NCKAP5: variants seen among roughly 807,000 people sequenced by gnomAD.
The protein encoded by NCKAP5 is NCK associated protein 5.
A neutral mutation model predicts 167.0 loss-of-function variants in NCKAP5; 92 were observed. The ratio of observed to expected loss-of-function variants is 0.55; its 90% CI spans 0.47 to 0.66. The LOEUF (loss-of-function observed/expected upper bound fraction) is 0.66, where lower values mean the gene tolerates loss of function less well. Among genes scored for constraint, NCKAP5 ranks in the 30% least tolerant of loss-of-function variants. The pLI is 0.00. For missense variants in NCKAP5, 2,378 were observed against 2,315.0 expected, an observed-to-expected ratio of 1.03 and a Z score of -0.56; for synonymous variants, 891 against 877.4, an observed-to-expected ratio of 1.02 and a Z score of -0.27.
At chr2:132,984,205 C>T (rs771544467) in intron 7 of NCKAP5, among the ~76,000 whole-genome samples, 1 of 152,142 alleles carries the variant, frequency 6.6e-6, no homozygotes, top group Admixed American at 6.5e-5. Context: ...ATGGTATTTG[C>T]ATCACCTGGG....
intron 1 of NCKAP5, among the ~76,000 whole-genome samples, chr2:133,565,626 C>T (rs563449654): frequency 1.3e-5 from 2 of 152,278 alleles, no homozygotes; most frequent in African/African-American, 4.8e-5. Flanking sequence ...CCAGAATCCC[C>T]AAGACAGCTC....
chr2:133,516,003 A>G (rs1490444050), intron 3 of NCKAP5, among the ~76,000 whole-genome samples: 1 of 152,194 alleles, frequency 6.6e-6, no homozygotes, highest in Non-Finnish European at 1.5e-5. Flanking sequence ...TTTGCATAAA[A>G]CTTGAGATCT....
chr2:133,450,814 C>G (rs1691504431), intron 3 of NCKAP5, among the ~76,000 whole-genome samples: 2 of 152,176 alleles, frequency 1.3e-5, no homozygotes, highest in Admixed American at 1.3e-4. Flanking sequence ...ATCTAATTCA[C>G]CACATGGTAT....
chr2:133,170,978 A>G (rs760833584), intron 5 of NCKAP5, among the ~76,000 whole-genome samples: 1 of 152,208 alleles, frequency 6.6e-6, no homozygotes, highest in African/African-American at 2.4e-5. Context: ...GTATACATAC[A>G]TAGCTCCTGA....
At chr2:133,071,788 G>C (rs2080415054) in intron 6 of NCKAP5, among the ~76,000 whole-genome samples, 1 of 152,152 alleles carries the variant, frequency 6.6e-6, no homozygotes, top group Non-Finnish European at 1.5e-5. Flanking sequence ...GAAAGGGAGA[G>C]GAAGGCAGAG....
At chr2:133,545,281 T>A (rs1686558510) in intron 2 of NCKAP5, among the ~76,000 whole-genome samples, 1 of 152,104 alleles carries the variant, frequency 6.6e-6, no homozygotes, top group African/African-American at 2.4e-5. Context: ...CTGCTTGAAG[T>A]CAGTGTGGCA....
rs544662963 is a variant in NCKAP5, at chr2:133,385,638, G to C, written c.70-82528C>G. Among the ~76,000 whole-genome samples, 216 of 152,210 alleles carry C rather than the reference G, an allele frequency of 1.4e-3. 1 individual carries two copies. The highest frequency in any genetic ancestry group is 5.1e-3 in the African/African-American group (211 of 41,506). ...GAAGGAATGGTACCAGCCCCTCCTT[G>C]TACCTCTGGTAGAATTCGGCTGTGA... On this transcript the variant is annotated intron_variant, in intron 3 of 19. Transcript: ENST00000409261.
At chr2:133,010,924 T>C (rs528123694) in intron 6 of NCKAP5, among the ~76,000 whole-genome samples, 6 of 152,206 alleles carry the variant, frequency 3.9e-5, no homozygotes, top group East Asian at 3.9e-4. Context: ...ATCTATATAC[T>C]GAAACTAATT....
At chr2:133,100,845 T>C (rs529089848) in intron 6 of NCKAP5, among the ~76,000 whole-genome samples, 15 of 152,346 alleles carry the variant, frequency 9.8e-5, no homozygotes, top group African/African-American at 2.9e-4. Context: ...CTTTTTAAAA[T>C]ATTTTGTTGA....
chr2:133,387,770 C>G (rs1687097381), intron 3 of NCKAP5, among the ~76,000 whole-genome samples: 1 of 152,104 alleles, frequency 6.6e-6, no homozygotes, highest in Non-Finnish European at 1.5e-5. Context: ...CGAAATTTCT[C>G]TTCTTGCTTC....
intron 3 of NCKAP5, among the ~76,000 whole-genome samples, chr2:133,358,958 T>C (rs1684917499): frequency 6.6e-6 from 1 of 152,236 alleles, no homozygotes; most frequent in Non-Finnish European, 1.5e-5. Context: ...ATTTGCATAT[T>C]TGGAGTACTT....
chr2:132,860,094 G>T (rs559483843), intron 11 of NCKAP5, among the ~76,000 whole-genome samples: 1 of 152,116 alleles, frequency 6.6e-6, no homozygotes, highest in Non-Finnish European at 1.5e-5. Flanking sequence ...ATGTATTTTT[G>T]ATCATAAAGA....
chr2:132,809,266 T>C (rs959390085), intron 11 of NCKAP5, among the ~76,000 whole-genome samples: 1 of 152,190 alleles, frequency 6.6e-6, no homozygotes, highest in African/African-American at 2.4e-5. Flanking sequence ...AAATATTCTG[T>C]ATAAATCTGT....
intron 3 of NCKAP5, among the ~76,000 whole-genome samples, chr2:133,484,138 T>C (rs1461997960): frequency 6.6e-6 from 1 of 152,152 alleles, no homozygotes; most frequent in Non-Finnish European, 1.5e-5. Flanking sequence ...GATCCTTTAT[T>C]GCTGTAGTGA....
chr2:133,553,894 A>G (rs1345558748), intron 2 of NCKAP5, among the ~76,000 whole-genome samples: 2 of 152,220 alleles, frequency 1.3e-5, no homozygotes, highest in African/African-American at 4.8e-5. Context: ...ATTATCTCAC[A>G]GTGTCTATGA....
intron 6 of NCKAP5, among the ~76,000 whole-genome samples, chr2:133,035,186 A>C (rs1281521221): frequency 6.6e-6 from 1 of 152,098 alleles, no homozygotes; most frequent in Admixed American, 6.6e-5. Context: ...GTATATGATA[A>C]AGGCATCAAT....
At chr2:132,797,012 CAGTAGGAAAAGT>C (rs1157774929) in intron 11 of NCKAP5, among the ~76,000 whole-genome samples, 2 of 151,996 alleles carry the variant, frequency 1.3e-5, no homozygotes, top group African/African-American at 4.8e-5. Flanking sequence ...AAAAAATAAG[CAGTAGGAAAAGT>C]ATGAATACTC....
chr2:133,137,403 GTT>G lies in NCKAP5; in HGVS notation c.208-7294_208-7293del, dbSNP rs774699289. ...TAACTAAAAAAAGATGCAGAGCTTGGTTTTGTGTGTGTGTGTGTGTGTGTGTG... is the reference window on the plus strand; with the variant it reads ...TAACTAAAAAAAGATGCAGAGCTTGGTTGTGTGTGTGTGTGTGTGTGTGTG... On this transcript the variant is annotated intron_variant, in intron 5 of 19. Transcript: ENST00000409261. 1.7e-3 allele frequency among the ~76,000 whole-genome samples: 205 copies of G among 117,290 alleles called. 2 individuals are homozygous for G. The highest frequency in any genetic ancestry group is 5.4e-3 in the African/African-American group (151 of 28,222). The allele number at this position is 117,290 out of a possible 152,430, so 76.9% of individuals were successfully genotyped here.
chr2:133,436,362 C>T (rs1378762196), intron 3 of NCKAP5, among the ~76,000 whole-genome samples: 1 of 152,182 alleles, frequency 6.6e-6, no homozygotes, highest in African/African-American at 2.4e-5. Flanking sequence ...TTTTCAGAGT[C>T]AGACTGGGAC....
Sources: allele counts gnomAD v4.1 joint callset (sites outside exome capture counted in the v4.1 genomes callset), GRCh38; gene constraint gnomAD v4.1.1; transcripts MANE v1.5; gene names NCBI Gene and HGNC (gene_info 2026-07-23, HGNC 2026-07-21).